FYB1: variants seen among roughly 807,000 people sequenced by gnomAD.
The protein encoded by FYB1 is FYN-binding protein 1.
A neutral mutation model predicts 94.1 loss-of-function variants in FYB1; 41 were observed. That is an observed-to-expected ratio of 0.44 (90% CI 0.34 to 0.57). The LOEUF (loss-of-function observed/expected upper bound fraction) is 0.57. FYB1 is among the 20% of genes least tolerant of loss of function. The probability of loss-of-function intolerance (pLI) is 0.02; values close to 1 mark genes in which losing one functional copy is unlikely to be tolerated. For synonymous variants in FYB1, 367 were observed against 353.2 expected, an observed-to-expected ratio of 1.04 and a Z score of -0.44; for missense variants, 1,050 against 976.8, an observed-to-expected ratio of 1.07 and a Z score of -1.00.
In FYB1 at chr5:39,134,937, G is replaced by A; in HGVS notation, c.1593C>T (p.Phe531=). 6.2e-7 allele frequency: 1 copy of A among 1,613,954 alleles called. No individual in the cohort carries two copies. The highest frequency in any genetic ancestry group is 1.1e-5 in the South Asian group (1 of 91,088). ...DVKGGKNELS[F]KQGEQIEIIR... Reference sequence around the variant, plus strand: ...TGATTTCAATTTGCTCTCCTTGCTTGAAGCTCAGTTCATTCTTTCCTCCTT... The same window carrying A: ...TGATTTCAATTTGCTCTCCTTGCTTAAAGCTCAGTTCATTCTTTCCTCCTT... The change falls in exon 8 of 19, where the codon TTC becomes TTT. Residue 531 remains phenylalanine, a synonymous_variant. Transcript: ENST00000512982.
Position 39,261,746 on chromosome 5 carries a change from C to CA in FYB1, c.-28+12656dup, listed in dbSNP as rs200611882. ...TGGGCAACAAGGCGAGACTCTGTCT[C>CA]AAAAAAAAGAAAAGAAAAGAAAAGA... On this transcript the variant is annotated intron_variant, in intron 1 of 1. Coordinates refer to the FYB1 transcript ENST00000510188. Among the ~76,000 whole-genome samples, 143 of 143,512 alleles carry CA rather than the reference C, an allele frequency of 1.0e-3. 1 individual carries two copies. The highest frequency in any genetic ancestry group is 3.6e-3 in the African/African-American group (134 of 37,084). The allele number at this position is 143,512 out of a possible 152,430, so 94.1% of individuals were successfully genotyped here.
chr5:39,220,159 G>A (rs904429850), upstream of FYB1, among the ~76,000 whole-genome samples: 5 of 152,010 alleles, frequency 3.3e-5, no homozygotes, highest in Admixed American at 6.6e-5. Context: ...CTGTAATCCC[G>A]GTACTTTGGA....
chr5:39,167,473 C>T (rs987732298), intron 2 of FYB1, among the ~76,000 whole-genome samples: 4 of 152,058 alleles, frequency 2.6e-5, no homozygotes, highest in Admixed American at 2.0e-4. Context: ...GTTTACTGAC[C>T]TTTGTATGTA....
chr5:39,137,379 C>A, intron 7 of FYB1: 1 of 375,580 alleles, frequency 2.7e-6, no homozygotes, highest in Non-Finnish European at 4.7e-6. Flanking sequence ...TCCTGGGTGT[C>A]CACTAATTAT....
chr5:39,238,304 G>T (rs1357403543), intron 1 of FYB1, among the ~76,000 whole-genome samples: 3 of 151,916 alleles, frequency 2.0e-5, no homozygotes, highest in Non-Finnish European at 4.4e-5. Context: ...AAATTCCTGT[G>T]AGGATAAATC....
chr5:39,218,799 A>G (rs1038846134), intron 1 of FYB1, among the ~76,000 whole-genome samples: 2 of 152,228 alleles, frequency 1.3e-5, no homozygotes, highest in African/African-American at 4.8e-5. Flanking sequence ...AGAATCAGCA[A>G]TGTATACAAG....
intron 1 of FYB1, among the ~76,000 whole-genome samples, chr5:39,265,339 C>T (rs998712156): frequency 3.9e-5 from 6 of 152,072 alleles, no homozygotes; most frequent in African/African-American, 1.4e-4. Flanking sequence ...AAAAAATTAG[C>T]CAGTTGTGAT....
chr5:39,222,754 T>C (rs1697870937), upstream of FYB1, among the ~76,000 whole-genome samples: 1 of 152,236 alleles, frequency 6.6e-6, no homozygotes, highest in Admixed American at 6.5e-5. Flanking sequence ...TGAGCTTTTC[T>C]TATTATTACA....
chr5:39,270,537 G>T (rs1752631110), intron 1 of FYB1: 2 of 1,529,974 alleles, frequency 1.3e-6, no homozygotes, highest in Admixed American at 2.0e-5. Flanking sequence ...TTTGCCAGGA[G>T]ACCAAGGAGA....
chr5:39,214,831 A>G (rs1749714277), intron 1 of FYB1, among the ~76,000 whole-genome samples: 1 of 152,200 alleles, frequency 6.6e-6, no homozygotes, highest in Non-Finnish European at 1.5e-5. Context: ...TGGGAGGCTG[A>G]GGCAGGATAA....
At chr5:39,233,926 C>T (rs1750851216) in intron 1 of FYB1, among the ~76,000 whole-genome samples, 1 of 152,096 alleles carries the variant, frequency 6.6e-6, no homozygotes, top group Non-Finnish European at 1.5e-5. Context: ...GTAGTTTTGA[C>T]ATTGTGCGTT....
intron 1 of FYB1, among the ~76,000 whole-genome samples, chr5:39,206,134 T>C (rs1440236338): frequency 6.6e-6 from 1 of 152,202 alleles, no homozygotes; most frequent in Non-Finnish European, 1.5e-5. Flanking sequence ...TTAAGTTTGG[T>C]TTACCTACAC....
chr5:39,274,032 C>T (rs2111796630), intron 1 of FYB1, among the ~76,000 whole-genome samples: 1 of 152,104 alleles, frequency 6.6e-6, no homozygotes, highest in South Asian at 2.1e-4. Flanking sequence ...TCAAGCAATT[C>T]TCCTGCCTCA....
At chr5:39,116,340 T>G (rs1413517388) in intron 16 of FYB1, among the ~76,000 whole-genome samples, 1 of 152,188 alleles carries the variant, frequency 6.6e-6, no homozygotes, top group East Asian at 1.9e-4. Flanking sequence ...CAAAGCCATC[T>G]AAGAATTTAG....
At chr5:39,231,163 A>AAAAAAAAAAAAAAAAAAAAAAAAAC (rs1561294075) in intron 1 of FYB1, among the ~76,000 whole-genome samples, 1 of 118,954 alleles carries the variant, frequency 8.4e-6, no homozygotes. Context: ...AAAAAAAAAC[A>AAAAAAAAAAAAAAAAAAAAAAAAAC]AAAAAAAACA....
At chr5:39,207,067 T>C (rs1237624488) in intron 1 of FYB1, among the ~76,000 whole-genome samples, 1 of 152,188 alleles carries the variant, frequency 6.6e-6, no homozygotes, top group Non-Finnish European at 1.5e-5. Context: ...CTTTTTAACT[T>C]ACTGATATCA....
At chr5:39,158,684 A>G (rs1743978079) in intron 2 of FYB1, among the ~76,000 whole-genome samples, 3 of 152,206 alleles carry the variant, frequency 2.0e-5, no homozygotes, top group Non-Finnish European at 4.4e-5. Context: ...TGTAGATTCT[A>G]ATGTTTGTGA....
At chr5:39,235,017 T>G (rs906160167) in intron 1 of FYB1, among the ~76,000 whole-genome samples, 47 of 151,120 alleles carry the variant, frequency 3.1e-4, no homozygotes, top group Non-Finnish European at 1.6e-4. Flanking sequence ...GTAACAAACT[T>G]GCACCTTCTG....
chr5:39,262,478 T>A lies in FYB1; in HGVS notation c.-28+11925A>T, dbSNP rs533936383. ...CGTGTAACAAATTGTCAAAACTCTA[T>A]CAATAAATATGACAATGTCAAGTTT... On this transcript the variant is annotated intron_variant, in intron 1 of 1. Coordinates refer to the FYB1 transcript ENST00000510188. Among the ~76,000 whole-genome samples, 35 of 152,284 alleles carry A rather than the reference T, an allele frequency of 2.3e-4. 1 individual carries two copies. The highest frequency in any genetic ancestry group is 8.4e-4 in the African/African-American group (35 of 41,560).
Sources: gnomAD v4.1 joint callset for allele counts (sites outside exome capture counted in the v4.1 genomes callset) on GRCh38, gnomAD v4.1.1 for gene constraint, MANE v1.5 for transcripts, NCBI Gene and HGNC (gene_info 2026-07-23, HGNC 2026-07-21) for gene names.